The following CEP70 variants were observed in gnomAD, a reference collection of about 807,000 sequenced individuals.
CEP70 encodes centrosomal protein of 70 kDa.
CEP70 carries 70 observed loss-of-function variants against 90.9 expected under a neutral mutation model. That is an observed-to-expected ratio of 0.77 (90% CI 0.64 to 0.94). The LOEUF is 0.94. CEP70 is among the 40% of genes least tolerant of loss of function. The pLI, the probability that CEP70 is intolerant of heterozygous loss-of-function variation, is 0.00. For missense variants in CEP70, 648 were observed against 669.0 expected, an observed-to-expected ratio of 0.97 and a Z score of 0.35; for synonymous variants, 220 against 228.3, an observed-to-expected ratio of 0.96 and a Z score of 0.33.
chr3:138,496,399 A>C, intron 17 of CEP70: 1 of 985,474 alleles, frequency 1.0e-6, no homozygotes, highest in Non-Finnish European at 1.2e-6. Flanking sequence ...AAACAATATA[A>C]GCAAACCTAC....
At chr3:138,501,893 T>C (rs1428872163) in intron 13 of CEP70, among the ~76,000 whole-genome samples, 1 of 152,158 alleles carries the variant, frequency 6.6e-6, no homozygotes, top group Non-Finnish European at 1.5e-5. Flanking sequence ...GATTTTTGGA[T>C]CAGTGATGCT....
At chr3:138,512,075 T>C (rs1016982908) in intron 11 of CEP70, among the ~76,000 whole-genome samples, 5 of 152,116 alleles carry the variant, frequency 3.3e-5, no homozygotes, top group African/African-American at 1.2e-4. Context: ...CAGGATATAT[T>C]AAAAATGCAC....
chr3:138,568,993 AC>A (rs200485760), intron 6 of CEP70, among the ~76,000 whole-genome samples: 5 of 148,396 alleles, frequency 3.4e-5, no homozygotes, highest in Admixed American at 1.3e-4. Flanking sequence ...AAAAAAACAA[AC>A]AAAAAAAAAA....
Position 138,547,619 on chromosome 3 carries a change from G to A in CEP70, c.466-10272C>T, listed in dbSNP as rs1368702154. ...GGAAGTACTTCACAGCTTCTCTTTG[G>A]CATATCCAAATTGCCAGCATCATTC... On this transcript the variant is annotated intron_variant, in intron 6 of 17. Coordinates refer to ENST00000264982, the MANE Select transcript of CEP70 (RefSeq NM_024491.4). Among the ~76,000 whole-genome samples the A allele has an allele frequency of 4.6e-5, 7 of 152,018 alleles. 1 individual carries two copies.
intron 2 of CEP70, among the ~76,000 whole-genome samples, chr3:138,575,135 C>T (rs201999215): frequency 2.6e-5 from 4 of 152,096 alleles, no homozygotes; most frequent in Admixed American, 2.0e-4. Context: ...TTCAGAAGGT[C>T]GGTAATAACA....
intron 2 of CEP70, among the ~76,000 whole-genome samples, chr3:138,576,256 G>C (rs1391845466): frequency 6.6e-6 from 1 of 152,038 alleles, no homozygotes. Flanking sequence ...GATGGAGGAA[G>C]ATCTACCAAG....
chr3:138,552,281 A>C (rs999116883), intron 6 of CEP70, among the ~76,000 whole-genome samples: 1 of 152,210 alleles, frequency 6.6e-6, no homozygotes, highest in Non-Finnish European at 1.5e-5. Flanking sequence ...ACAGAAAATC[A>C]ACAAAGAAAC....
intron 11 of CEP70, among the ~76,000 whole-genome samples, chr3:138,523,901 G>A (rs1034603032): frequency 2.6e-5 from 4 of 151,886 alleles, no homozygotes; most frequent in Non-Finnish European, 5.9e-5. Flanking sequence ...AACCAAAAAA[G>A]AGCCCGCATT....
At chr3:138,535,738 C>T (rs979712710) in intron 7 of CEP70, among the ~76,000 whole-genome samples, 1 of 152,116 alleles carries the variant, frequency 6.6e-6, no homozygotes, top group African/African-American at 2.4e-5. Context: ...TTCTCTCACC[C>T]TCTTACCCAG....
intron 6 of CEP70, among the ~76,000 whole-genome samples, chr3:138,547,572 A>G (rs2039308100): frequency 6.6e-6 from 1 of 152,202 alleles, no homozygotes; most frequent in South Asian, 2.1e-4. Flanking sequence ...TTAAGCCAAG[A>G]ACTTTCACCT....
intron 12 of CEP70, among the ~76,000 whole-genome samples, chr3:138,507,609 T>C (rs946554872): frequency 4.6e-5 from 7 of 152,172 alleles, no homozygotes; most frequent in Non-Finnish European, 1.0e-4. Context: ...TGATCTATGA[T>C]AAAATGTTAT....
At chr3:138,585,862 A>T (rs942396800) in intron 2 of CEP70, among the ~76,000 whole-genome samples, 1 of 152,174 alleles carries the variant, frequency 6.6e-6, no homozygotes, top group African/African-American at 2.4e-5. Context: ...CCTATCTCTC[A>T]CCATATACAA....
chr3:138,560,921 G>A (rs1388759594), intron 6 of CEP70, among the ~76,000 whole-genome samples: 1 of 152,198 alleles, frequency 6.6e-6, no homozygotes, highest in Non-Finnish European at 1.5e-5. Context: ...GCACCTGGGG[G>A]AAGGGGCAGA....
At chr3:138,500,368 G>A in intron 15 of CEP70, 31 bp downstream of exon 15, 2 of 1,549,616 alleles carry the variant, frequency 1.3e-6, no homozygotes, top group African/African-American at 1.4e-5. Context: ...ATTCTTAAAT[G>A]GGGGCCCAAA....
intron 6 of CEP70, among the ~76,000 whole-genome samples, chr3:138,554,863 T>C (rs553273679): frequency 1.5e-3 from 235 of 152,338 alleles, no homozygotes; most frequent in African/African-American, 5.3e-3. Flanking sequence ...TGTGGGTTGT[T>C]TGCTGACTGT....
intron 8 of CEP70, 84 bp from the exon 9 acceptor site, chr3:138,529,546 ATAATC>A: frequency 1.3e-6 from 1 of 796,718 alleles, no homozygotes; most frequent in Non-Finnish European, 2.1e-6. Context: ...TGAGGGTTTA[ATAATC>A]TAAACATGAA....
intron 6 of CEP70, among the ~76,000 whole-genome samples, chr3:138,554,387 C>A (rs1421444583): frequency 3.9e-5 from 6 of 152,034 alleles, no homozygotes; most frequent in Non-Finnish European, 7.4e-5. Flanking sequence ...ACTCTCACCA[C>A]TTCTATTGAG....
intron 6 of CEP70, among the ~76,000 whole-genome samples, chr3:138,548,712 T>A (rs1035594406): frequency 1.3e-5 from 2 of 152,204 alleles, no homozygotes; most frequent in Non-Finnish European, 2.9e-5. Flanking sequence ...CAGGACTAGA[T>A]TGCAGTTCCC....
At chr3:138,537,116 A>AAAAC (rs761498999) in intron 7 of CEP70, 62 bp downstream of exon 7, 47 of 1,252,230 alleles carry the variant, frequency 3.8e-5, no homozygotes, top group Non-Finnish European at 4.9e-5. Context: ...AATATCAGGT[A>AAAAC]AAACAAACAA....
Sources: gnomAD v4.1 joint callset for allele counts (sites outside exome capture counted in the v4.1 genomes callset) on GRCh38, gnomAD v4.1.1 for gene constraint, MANE v1.5 for transcripts, NCBI Gene and HGNC (gene_info 2026-07-23, HGNC 2026-07-21) for gene names.